CCNL1: variants seen among roughly 807,000 people sequenced by gnomAD.
CCNL1 encodes cyclin L1.
CCNL1 carries 13 observed loss-of-function variants against 60.6 expected under a neutral mutation model. That is an observed-to-expected ratio of 0.21 (90% CI 0.14 to 0.34). The LOEUF is 0.34. Among genes scored for constraint, CCNL1 ranks in the 10% least tolerant of loss-of-function variants. The pLI is 1.00. For synonymous variants in CCNL1, 270 were observed against 244.3 expected (o/e 1.10, Z -0.98); for missense variants, 481 against 664.3 (o/e 0.72, Z 3.03).
chr3:157,145,512 G>C (rs1737759490), downstream of CCNL1, among the ~76,000 whole-genome samples: 2 of 145,698 alleles, frequency 1.4e-5, no homozygotes, highest in South Asian at 4.3e-4. Context: ...AAAAGTATCA[G>C]GATCATTAGG....
Position 157,159,469 on chromosome 3 carries a change from G to A in CCNL1, c.314C>T (p.Ala105Val). Reference protein sequence around the residue: ...ILLRLPQVAMATGQVLFHRFF... With the variant: ...ILLRLPQVAMVTGQVLFHRFF... Reference sequence around the variant, plus strand: ...ACGATGAAACAACACCTGCCCCGTTGCCATCGCCACCTGCAGACAAGAGAG... The same window carrying A: ...ACGATGAAACAACACCTGCCCCGTTACCATCGCCACCTGCAGACAAGAGAG... The change falls in exon 2 of 11, where the codon GCA becomes GTA. Residue 105 changes from alanine to valine, a missense_variant. Transcript: ENST00000295926. The A allele has an allele frequency of 6.2e-7, 1 of 1,610,660 alleles. No individual in the cohort carries two copies. Among genetic ancestry groups the A allele is most frequent in the Non-Finnish European group, 8.5e-7 (1 of 1,178,722 alleles).
At chr3:157,157,145 T>C (rs773897414) in intron 3 of CCNL1, 2 of 1,265,090 alleles carry the variant, frequency 1.6e-6, no homozygotes, top group Non-Finnish European at 2.1e-6. Flanking sequence ...AGTTACGTGC[T>C]TGAGTAAACT....
downstream of CCNL1, among the ~76,000 whole-genome samples, chr3:157,145,919 A>G (rs946006347): frequency 3.9e-5 from 6 of 152,368 alleles, no homozygotes; most frequent in African/African-American, 9.6e-5. Flanking sequence ...CCGATGCAAC[A>G]TATTTGGACT....
chr3:157,159,176 A>C (rs1394979167), intron 2 of CCNL1: 1 of 630,222 alleles, frequency 1.6e-6, no homozygotes, highest in Non-Finnish European at 2.8e-6. Context: ...TCAATCTTAC[A>C]GGAGTTCTGC....
At chr3:157,157,183 T>C (rs1431730683) in intron 3 of CCNL1, 79 of 1,080,936 alleles carry the variant, frequency 7.3e-5, no homozygotes, top group Non-Finnish European at 9.7e-5. Context: ...CACTTTTACA[T>C]CCTGCTTTAA....
intron 8 of CCNL1, 32 bp downstream of exon 8, chr3:157,149,804 C>T: frequency 6.2e-7 from 1 of 1,601,696 alleles, no homozygotes. Context: ...TTTCAGTGCC[C>T]CCAAGTCATT....
chr3:157,155,901 A>G lies in CCNL1; in HGVS notation c.489-2745T>C, dbSNP rs143392152. Among the ~76,000 whole-genome samples the G allele has an allele frequency of 8.9e-3, 1,356 of 152,302 alleles. 12 individuals carry two copies. Among genetic ancestry groups the G allele is most frequent in the Non-Finnish European group, 0.015 (1,002 of 68,004 alleles). Reference sequence around the variant, plus strand: ...AAAATAATTTTCATTATCAACACACAAACTAACTCAATCTCTGCTTTAAGT... The same window carrying G: ...AAAATAATTTTCATTATCAACACACGAACTAACTCAATCTCTGCTTTAAGT... On this transcript the variant is annotated intron_variant, in intron 3 of 10. Transcript: ENST00000295926.
chr3:157,143,228 G>A (rs191281367), downstream of CCNL1, among the ~76,000 whole-genome samples: 14 of 152,208 alleles, frequency 9.2e-5, no homozygotes, highest in Non-Finnish European at 1.9e-4. Flanking sequence ...AACAAACATT[G>A]TACAACTCAA....
chr3:157,154,826 C>T (rs1224957727), intron 3 of CCNL1, among the ~76,000 whole-genome samples: 8 of 152,018 alleles, frequency 5.3e-5, no homozygotes, highest in African/African-American at 1.5e-4. Context: ...CTAATATTAA[C>T]GTGTAATGAT....
rs150881152 is a variant in CCNL1, at chr3:157,153,375, A to T, written c.489-219T>A. 2.1e-4 allele frequency: 86 copies of T among 415,972 alleles called. 2 individuals carry two copies. In the East Asian group the frequency reaches 3.7e-3, roughly 18 times the overall value. The allele number at this position is 415,972 out of a possible 1,614,324, so 25.8% of individuals were successfully genotyped here. On this transcript the variant is annotated intron_variant, in intron 3 of 10. Transcript: ENST00000295926. ...TTCCTAAAGGAACTAACAATTCTGT[A>T]ATGAAAAAAATTCACTCTAATGTTC...
At chr3:157,149,715 G>C in intron 8 of CCNL1, 119 bp from the exon 9 acceptor site, 1 of 1,441,896 alleles carries the variant, frequency 6.9e-7, no homozygotes, top group Non-Finnish European at 9.5e-7. Context: ...ACTGCCATGA[G>C]AGAACATAGC....
chr3:157,148,201 G>A lies in CCNL1; in HGVS notation c.*40C>T. 1 of 1,584,078 alleles carries A rather than the reference G, an allele frequency of 6.3e-7. No homozygotes were observed. Among genetic ancestry groups the A allele is most frequent in the Non-Finnish European group, 8.6e-7 (1 of 1,165,960 alleles). On this transcript the variant is annotated 3_prime_UTR_variant, in exon 11 of 11. Coordinates refer to ENST00000295926, the MANE Select transcript of CCNL1 (RefSeq NM_020307.4). ...AGTCCATACATCACACTGTAGATAGGCAAAACCAAGAACTGATGCAGGCTC... is the reference window on the plus strand; with the variant it reads ...AGTCCATACATCACACTGTAGATAGACAAAACCAAGAACTGATGCAGGCTC...
At chr3:157,145,437 C>CAAAAAAAAAAAAAAA (rs56894231), downstream of CCNL1, among the ~76,000 whole-genome samples, 265 of 24,260 alleles carry the variant, frequency 0.011, 30 homozygotes, top group Non-Finnish European at 0.016. Flanking sequence ...GACTTCATCT[C>CAAAAAAAAAAAAAAA]AAAAAAAAAA....
chr3:157,153,231 C>T (rs1738336972), intron 3 of CCNL1, 75 bp from the exon 4 acceptor site: 2 of 1,491,246 alleles, frequency 1.3e-6, no homozygotes, highest in South Asian at 1.2e-5. Context: ...CTCCATTTTC[C>T]CTTCCAACCA....
At chr3:157,152,333 C>G in intron 4 of CCNL1, 92 bp from the exon 5 acceptor site, 1 of 1,540,718 alleles carries the variant, frequency 6.5e-7, no homozygotes, top group Non-Finnish European at 8.7e-7. Context: ...ATGTTAGACT[C>G]AAGTTCTAAT....
chr3:157,150,034 A>G (rs1738056606), intron 7 of CCNL1, 31 bp downstream of exon 7: 2 of 1,608,578 alleles, frequency 1.2e-6, no homozygotes, highest in East Asian at 2.2e-5. Context: ...GACTCTTAGC[A>G]TGTTGGCACA....
Position 157,149,494 on chromosome 3 carries a change from G to A in CCNL1, c.1124C>T (p.Pro375Leu). ...GCCCAAGTATACTCACCCATTGTAA[G>A]GGCTTTTGGAAGCCTGTTGTCTATC... ...PEDRQQASKS[P>L]YNGVRKDSKR... The change falls in exon 9 of 11, where the codon CCT (proline) becomes CTT (leucine). Residue 375 changes from proline (P) to leucine (L), a missense_variant. Physicochemically the swap from Pro to Leu is moderately conservative, Grantham distance 98. Coordinates refer to ENST00000295926, the MANE Select transcript of CCNL1 (RefSeq NM_020307.4). 1.2e-6 allele frequency: 2 copies of A among 1,613,782 alleles called. No individual in the cohort carries two copies. The highest frequency in any genetic ancestry group is 1.7e-6 in the Non-Finnish European group (2 of 1,179,772).
chr3:157,156,880 AC>A lies in CCNL1; in HGVS notation c.488+1985del, dbSNP rs955692585. ...AGTTCTAATAACTTGGACAGCAAAG[AC>A]AAAAGCTTATAACAAGAAACAGGAG... On this transcript the variant is annotated intron_variant, in intron 3 of 10. Coordinates refer to ENST00000295926, the MANE Select transcript of CCNL1 (RefSeq NM_020307.4). 3 of 1,267,432 alleles carry A rather than the reference AC, an allele frequency of 2.4e-6. No individual in the cohort carries two copies. In the African/African-American group the frequency reaches 4.6e-5, roughly 20 times the overall value. The allele number at this position is 1,267,432 out of a possible 1,614,324, so 78.5% of individuals were successfully genotyped here.
downstream of CCNL1, among the ~76,000 whole-genome samples, chr3:157,144,557 T>C (rs1485126231): frequency 6.6e-6 from 1 of 152,214 alleles, no homozygotes; most frequent in Non-Finnish European, 1.5e-5. Flanking sequence ...TTTGAACAAA[T>C]GTTAAGTGTT....
Sources: allele counts gnomAD v4.1 joint callset (sites outside exome capture counted in the v4.1 genomes callset), GRCh38; gene constraint gnomAD v4.1.1; transcripts MANE v1.5; gene names NCBI Gene and HGNC (gene_info 2026-07-23, HGNC 2026-07-21).